The following EXOC6B variants were observed in gnomAD, a reference collection of about 807,000 sequenced individuals.
The protein encoded by EXOC6B is SEC15 homolog B.
EXOC6B carries 54 observed loss-of-function variants against 113.5 expected under a neutral mutation model. The observed-to-expected ratio is 0.48, with a 90% CI of 0.38 to 0.60. EXOC6B has a LOEUF of 0.60. EXOC6B is among the 20% of genes least tolerant of loss of function. EXOC6B has a pLI of 0.00. For missense variants in EXOC6B, 797 were observed against 977.5 expected (o/e 0.82, Z 2.46); for synonymous variants, 357 against 339.0 (o/e 1.05, Z -0.58).
At chr2:72,575,369 A>G in intron 7 of EXOC6B, 123 bp downstream of exon 7, 1 of 783,458 alleles carries the variant, frequency 1.3e-6, no homozygotes, top group East Asian at 3.1e-5. Context: ...TTGTATTCAA[A>G]ATGGTATTTG....
At chr2:72,675,838 T>C (rs1164260619) in intron 6 of EXOC6B, among the ~76,000 whole-genome samples, 1 of 152,006 alleles carries the variant, frequency 6.6e-6, no homozygotes, top group Non-Finnish European at 1.5e-5. Flanking sequence ...GGGCGGACAA[T>C]GTACAAAACA....
intron 9 of EXOC6B, 129 bp downstream of exon 9, chr2:72,514,914 C>T (rs538518136): frequency 2.3e-6 from 2 of 873,450 alleles, no homozygotes; most frequent in African/African-American, 1.7e-5. Context: ...GTCACATCCA[C>T]CAAAAGTGGT....
At chr2:72,366,737 T>C (rs1690648194) in intron 19 of EXOC6B, among the ~76,000 whole-genome samples, 1 of 151,592 alleles carries the variant, frequency 6.6e-6, no homozygotes, top group East Asian at 1.9e-4. Flanking sequence ...AAAAAGCTTA[T>C]CATCAGAAAC....
At chr2:72,636,912 A>G (rs1672878487) in intron 6 of EXOC6B, among the ~76,000 whole-genome samples, 1 of 151,864 alleles carries the variant, frequency 6.6e-6, no homozygotes, top group Non-Finnish European at 1.5e-5. Flanking sequence ...TATGTAGATT[A>G]TTCCAAGCAA....
chr2:72,319,641 T>C (rs1367047461), intron 20 of EXOC6B, among the ~76,000 whole-genome samples: 4 of 152,232 alleles, frequency 2.6e-5, no homozygotes, highest in Non-Finnish European at 5.9e-5. Flanking sequence ...ATGCCACTTA[T>C]AATGAATATG....
At position 72,575,654 on chromosome 2, in the gene EXOC6B, T is replaced by C; in HGVS notation, c.684A>G (p.Arg228=). The C allele has an allele frequency of 6.3e-7, 1 of 1,599,284 alleles. No individual in the cohort carries two copies. Among genetic ancestry groups the C allele is most frequent in the South Asian group, 1.1e-5 (1 of 88,254 alleles). The part of the protein sequence containing the change: ...ETAMKQAQQQ[R]NLDNIVLQQP... ...GTTGCAAGACGATGTTATCCAGGTT[T>C]CTTTGCTGCTGGGCCTAGGATAGAG... The change falls in exon 7 of 22, where the codon AGA becomes AGG. Residue 228 remains arginine (R), a synonymous_variant. Transcript: ENST00000272427.
At chr2:72,600,277 CA>C (rs1259902925) in intron 6 of EXOC6B, among the ~76,000 whole-genome samples, 4 of 151,832 alleles carry the variant, frequency 2.6e-5, no homozygotes, top group Admixed American at 6.6e-5. Context: ...CCTGTCTCTA[CA>C]AAAAATACAA....
intron 19 of EXOC6B, 68 bp downstream of exon 19, chr2:72,379,661 T>G (rs66560019): frequency 0.11 from 158,488 of 1,502,876 alleles, 14,314 homozygotes; most frequent in African/African-American, 0.48. Flanking sequence ...CACCTAAAAC[T>G]TTTTTTCCCC....
chr2:72,348,152 T>C (rs779962448), intron 19 of EXOC6B, among the ~76,000 whole-genome samples: 1 of 152,162 alleles, frequency 6.6e-6, no homozygotes, highest in Non-Finnish European at 1.5e-5. Flanking sequence ...CACCTGCTTA[T>C]TGTAGGCTCA....
chr2:72,345,391 C>T lies in EXOC6B; in HGVS notation c.2123-10371G>A, dbSNP rs1437219636. ...GGAATCTGGGAATGGATGTTTAGAG[C>T]AGCTGTATTTATAATTCCCAAATCT... is the stretch of plus-strand genomic sequence containing the variant. On this transcript the variant is annotated intron_variant, in intron 19 of 21. Transcript: ENST00000272427. 2.6e-5 allele frequency among the ~76,000 whole-genome samples: 4 copies of T among 152,090 alleles called. No individual in the cohort carries two copies. In the East Asian group the frequency reaches 7.7e-4, roughly 29 times the overall value.
chr2:72,719,676 A>G (rs1460976762), intron 5 of EXOC6B, among the ~76,000 whole-genome samples: 2 of 152,244 alleles, frequency 1.3e-5, no homozygotes, highest in African/African-American at 4.8e-5. Flanking sequence ...ACCTCTAACC[A>G]ATCATTAGCT....
intron 12 of EXOC6B, 90 bp from the exon 13 acceptor site, chr2:72,498,641 A>G: frequency 2.9e-6 from 2 of 697,292 alleles, no homozygotes; most frequent in Admixed American, 3.1e-5. Context: ...GAGGGATAAG[A>G]TACTGAAAAA....
At chr2:72,807,390 T>G (rs1685636145) in intron 1 of EXOC6B, among the ~76,000 whole-genome samples, 1 of 152,204 alleles carries the variant, frequency 6.6e-6, no homozygotes, top group African/African-American at 2.4e-5. Context: ...GTGCCTGTTT[T>G]GGTACCAGTA....
chr2:72,451,177 A>G (rs747346576), intron 18 of EXOC6B, among the ~76,000 whole-genome samples: 1 of 152,228 alleles, frequency 6.6e-6, no homozygotes, highest in Admixed American at 6.5e-5. Flanking sequence ...TAGATTTTAC[A>G]TACTTCCAGA....
chr2:72,181,263 G>T (rs1290515654), intron 21 of EXOC6B, among the ~76,000 whole-genome samples: 3 of 151,828 alleles, frequency 2.0e-5, no homozygotes, highest in African/African-American at 7.3e-5. Flanking sequence ...CTTCAGGCTG[G>T]AATTACTCAT....
intron 1 of EXOC6B, among the ~76,000 whole-genome samples, chr2:72,812,371 G>A (rs1456135727): frequency 6.6e-6 from 1 of 152,152 alleles, no homozygotes. Flanking sequence ...CTGAAAGAAA[G>A]CAAAACAGAT....
chr2:72,703,898 A>G (rs1313001879), intron 6 of EXOC6B, among the ~76,000 whole-genome samples: 1 of 150,896 alleles, frequency 6.6e-6, no homozygotes, highest in East Asian at 1.9e-4. Context: ...CTCTTTTCCT[A>G]ATTGAATACC....
chr2:72,335,814 G>A (rs1401049921), intron 19 of EXOC6B, among the ~76,000 whole-genome samples: 2 of 151,882 alleles, frequency 1.3e-5, no homozygotes, highest in Non-Finnish European at 2.9e-5. Flanking sequence ...TTCAATCTTA[G>A]CCTGAAGAGA....
intron 1 of EXOC6B, among the ~76,000 whole-genome samples, chr2:72,774,940 T>C (rs183897203): frequency 1.1e-4 from 17 of 152,254 alleles, no homozygotes; most frequent in African/African-American, 3.6e-4. Flanking sequence ...TAGAATAATA[T>C]AGAACTCAGT....
Sources: allele counts gnomAD v4.1 joint callset (sites outside exome capture counted in the v4.1 genomes callset), GRCh38; gene constraint gnomAD v4.1.1; transcripts MANE v1.5; gene names NCBI Gene and HGNC (gene_info 2026-07-23, HGNC 2026-07-21).